ZMAT4: variants seen among roughly 807,000 people sequenced by gnomAD.
ZMAT4 encodes zinc finger matrin-type protein 4.
In ZMAT4, 17 loss-of-function variants were observed where a neutral mutation model predicts 28.7. The ratio of observed to expected loss-of-function variants is 0.59; its 90% CI spans 0.41 to 0.89. The LOEUF (loss-of-function observed/expected upper bound fraction) is 0.89. Among genes scored for constraint, ZMAT4 ranks in the 40% least tolerant of loss-of-function variants. The probability of loss-of-function intolerance (pLI) is 0.00; values close to 1 mark genes in which losing one functional copy is unlikely to be tolerated. For missense variants in ZMAT4, 240 were observed against 283.8 expected, an observed-to-expected ratio of 0.85 and a Z score of 1.11; for synonymous variants, 117 against 109.2, an observed-to-expected ratio of 1.07 and a Z score of -0.44.
chr8:40,762,655 C>G (rs1028179715), intron 3 of ZMAT4, among the ~76,000 whole-genome samples: 6 of 151,822 alleles, frequency 4.0e-5, no homozygotes, highest in African/African-American at 1.5e-4. Flanking sequence ...GACCCCATCT[C>G]TAAAAATAAA....
intron 5 of ZMAT4, among the ~76,000 whole-genome samples, chr8:40,597,148 G>A (rs1324383213): frequency 6.6e-6 from 1 of 152,190 alleles, no homozygotes. Context: ...GGCTTATTCA[G>A]TGTCTCAGGG....
intron 5 of ZMAT4, among the ~76,000 whole-genome samples, chr8:40,608,957 AG>A: frequency 6.6e-6 from 1 of 152,196 alleles, no homozygotes; most frequent in East Asian, 1.9e-4. Context: ...TTACCTTCAA[AG>A]GGTCTGTGGA....
rs139873543 is a variant in ZMAT4, at chr8:40,895,822, C to T, written c.-5+1861G>A. 1.4e-3 allele frequency among the ~76,000 whole-genome samples: 212 copies of T among 152,352 alleles called. 2 individuals carry two copies. The highest frequency in any genetic ancestry group is 4.9e-3 in the African/African-American group (204 of 41,586). On this transcript the variant is annotated intron_variant, in intron 1 of 6. Coordinates refer to ENST00000297737, the MANE Select transcript of ZMAT4 (RefSeq NM_024645.3). ...TACTGCCTTCATGAAAACCAAGGTG[C>T]TCTCATGCAAGATCCCCCACGTGCT...
chr8:40,627,853 G>C (rs370206240), intron 5 of ZMAT4, among the ~76,000 whole-genome samples: 1 of 152,140 alleles, frequency 6.6e-6, no homozygotes, highest in Non-Finnish European at 1.5e-5. Flanking sequence ...TGGGGCGGGA[G>C]GGAAAGATAA....
chr8:40,821,271 G>A (rs1268001609), intron 2 of ZMAT4, among the ~76,000 whole-genome samples: 1 of 147,398 alleles, frequency 6.8e-6, no homozygotes, highest in Non-Finnish European at 1.5e-5. Context: ...GCCTCCCTGG[G>A]AAACTGTTTT....
chr8:40,747,975 TTG>T, intron 3 of ZMAT4, among the ~76,000 whole-genome samples: 1 of 152,324 alleles, frequency 6.6e-6, no homozygotes, highest in Non-Finnish European at 1.5e-5. Context: ...ACGACCAACA[TTG>T]TGTCTTATGA....
intron 4 of ZMAT4, among the ~76,000 whole-genome samples, chr8:40,682,229 A>G (rs1809201502): frequency 1.3e-5 from 2 of 152,224 alleles, no homozygotes; most frequent in Non-Finnish European, 1.5e-5. Flanking sequence ...GTTTTACTAC[A>G]AAGTCTAAAA....
At chr8:40,883,604 G>A (rs951808376) in intron 1 of ZMAT4, among the ~76,000 whole-genome samples, 1 of 152,120 alleles carries the variant, frequency 6.6e-6, no homozygotes, top group African/African-American at 2.4e-5. Flanking sequence ...AGAGAAGGTG[G>A]CCTTCCTCTC....
intron 1 of ZMAT4, among the ~76,000 whole-genome samples, chr8:40,839,196 C>T (rs2150624991): frequency 6.6e-6 from 1 of 152,300 alleles, no homozygotes; most frequent in Non-Finnish European, 1.5e-5. Flanking sequence ...TGACTCTGAC[C>T]AGCAGAAGCA....
intron 6 of ZMAT4, among the ~76,000 whole-genome samples, chr8:40,570,687 G>A (rs1804069168): frequency 6.6e-6 from 1 of 151,978 alleles, no homozygotes; most frequent in South Asian, 2.1e-4. Flanking sequence ...GCAACAGAGA[G>A]CAACCTTGTC....
At chr8:40,783,966 G>T (rs1437576771) in intron 2 of ZMAT4, among the ~76,000 whole-genome samples, 2 of 152,054 alleles carry the variant, frequency 1.3e-5, no homozygotes, top group African/African-American at 4.8e-5. Context: ...AGCAGAGAAG[G>T]CACCACTGCA....
chr8:40,729,885 G>C (rs1811464802), intron 3 of ZMAT4, among the ~76,000 whole-genome samples: 1 of 152,008 alleles, frequency 6.6e-6, no homozygotes, highest in Admixed American at 6.6e-5. Flanking sequence ...GCCCGCTTGA[G>C]CATATATTTC....
chr8:40,647,631 A>G (rs1044661188), intron 5 of ZMAT4, among the ~76,000 whole-genome samples: 4 of 152,184 alleles, frequency 2.6e-5, no homozygotes, highest in African/African-American at 7.2e-5. Flanking sequence ...CAGGGCACAG[A>G]CAAACAAAAA....
At chr8:40,781,441 T>C (rs183024053) in intron 2 of ZMAT4, among the ~76,000 whole-genome samples, 16 of 152,122 alleles carry the variant, frequency 1.1e-4, no homozygotes, top group Admixed American at 9.8e-4. Flanking sequence ...TAAAGATGGA[T>C]ATATAGATCA....
intron 3 of ZMAT4, among the ~76,000 whole-genome samples, chr8:40,764,311 T>A (rs1277109971): frequency 6.6e-6 from 1 of 152,162 alleles, no homozygotes; most frequent in Non-Finnish European, 1.5e-5. Context: ...TAAAAGCATG[T>A]GAAGAGAAAA....
chr8:40,618,832 T>C (rs1013845253), intron 5 of ZMAT4, among the ~76,000 whole-genome samples: 9 of 152,118 alleles, frequency 5.9e-5, no homozygotes, highest in African/African-American at 1.9e-4. Context: ...TTGGTTTGGG[T>C]TTCCCCAGAA....
intron 5 of ZMAT4, among the ~76,000 whole-genome samples, chr8:40,624,244 A>C (rs1295701508): frequency 1.3e-5 from 2 of 152,338 alleles, no homozygotes; most frequent in East Asian, 3.9e-4. Context: ...GTGGCCCTAT[A>C]AGATGACAAA....
At chr8:40,609,996 G>T (rs114932692) in intron 5 of ZMAT4, among the ~76,000 whole-genome samples, 59 of 152,264 alleles carry the variant, frequency 3.9e-4, no homozygotes, top group African/African-American at 1.4e-3. Flanking sequence ...CAGCATCTTT[G>T]ATCTTTACAA....
At chr8:40,649,150 AC>A (rs1807503173) in intron 5 of ZMAT4, among the ~76,000 whole-genome samples, 1 of 152,122 alleles carries the variant, frequency 6.6e-6, no homozygotes, top group Non-Finnish European at 1.5e-5. Context: ...AAGAGTCAAG[AC>A]CCATCAGTGT....
Sources: allele counts gnomAD v4.1 joint callset (sites outside exome capture counted in the v4.1 genomes callset), GRCh38; gene constraint gnomAD v4.1.1; transcripts MANE v1.5; gene names NCBI Gene and HGNC (gene_info 2026-07-23, HGNC 2026-07-21).